The following TANGO2 variants were observed in gnomAD, a reference collection of about 807,000 sequenced individuals.
TANGO2 encodes transport and golgi organization 2 homolog.
Under a neutral mutation model 39.1 loss-of-function variants are expected in TANGO2, and 26 were observed. The ratio of observed to expected loss-of-function variants is 0.67; its 90% confidence interval spans 0.49 to 0.92. The LOEUF is 0.92. Ranked by LOEUF, TANGO2 falls within the 40% of genes least tolerant of loss-of-function variation. The pLI, the probability that TANGO2 is intolerant of heterozygous loss-of-function variation, is 0.00. For missense variants in TANGO2, 326 were observed against 360.1 expected, an observed-to-expected ratio of 0.91 and a Z score of 0.77; for synonymous variants, 131 against 144.5, an observed-to-expected ratio of 0.91 and a Z score of 0.67.
chr22:20,058,444 C>A (rs61095784), intron 6 of TANGO2: 9,374 of 152,194 alleles, frequency 0.062, 455 homozygotes, highest in African/African-American at 0.11. Context: ...AGATCGAGAC[C>A]ATCCTGGCTA....
At chr22:20,063,050 T>G in intron 7 of TANGO2, 7 of 362,962 alleles carry the variant, frequency 1.9e-5, no homozygotes, top group Non-Finnish European at 2.5e-5. Context: ...CTGGCTTGAG[T>G]GGACTTCTGT....
At chr22:20,062,196 A>G (rs1450700868) in intron 7 of TANGO2, among the ~76,000 whole-genome samples, 2 of 152,046 alleles carry the variant, frequency 1.3e-5, no homozygotes, top group African/African-American at 4.8e-5. Flanking sequence ...GCTCCCACCC[A>G]CTTCCTTGCC....
chr22:20,024,577 A>T (rs1009683496), intron 1 of TANGO2, among the ~76,000 whole-genome samples: 1 of 152,184 alleles, frequency 6.6e-6, no homozygotes, highest in Non-Finnish European at 1.5e-5. Flanking sequence ...CCTTGTGGCC[A>T]TTGAGGCCAT....
Position 20,064,764 on chromosome 22 carries a change from G to C in TANGO2, c.*102G>C. The C allele has an allele frequency of 6.9e-7, 1 of 1,457,944 alleles. No individual in the cohort carries two copies. Among genetic ancestry groups the C allele is most frequent in the Non-Finnish European group, 9.3e-7 (1 of 1,080,294 alleles). The allele number at this position is 1,457,944 out of a possible 1,614,324, so 90.3% of individuals were successfully genotyped here. On this transcript the variant is annotated 3_prime_UTR_variant, in exon 9 of 9. Transcript: ENST00000327374. The stretch of plus-strand genomic sequence containing the variant: ...TGCCATACTGCATTGCACTGCCCGT[G>C]GCTTGGCCAGCATCCCCCGGATCAG...
chr22:20,017,414 C>A (rs2531717), upstream of TANGO2, among the ~76,000 whole-genome samples: 4 of 151,936 alleles, frequency 2.6e-5, no homozygotes, highest in East Asian at 2.0e-4. Context: ...GTCCCCGCAG[C>A]GGGGAGACGA....
In TANGO2 at chr22:20,061,583, T is replaced by G. The variant is rs749476753; in HGVS notation, c.505T>G (p.Phe169Val). ...LLETPWRKLC[F>V]GKQLFLEAVE... ...GGAGACTCCCTGGAGGAAGCTGTGC[T>G]TTGGGAAGCAGCTCTTCCTGGAGGC... is the stretch of plus-strand genomic sequence containing the variant. The change falls in exon 7 of 9, where the codon TTT becomes GTT. Residue 169 changes from phenylalanine to valine, a missense_variant. By Grantham distance (50) the Phe-to-Val change is conservative (BLOSUM62 -1). Coordinates refer to ENST00000327374, the MANE Select transcript of TANGO2 (RefSeq NM_152906.7). 1.2e-6 allele frequency: 2 copies of G among 1,602,294 alleles called. No homozygotes were observed. The highest frequency in any genetic ancestry group is 2.3e-5 in the South Asian group (2 of 88,692).
At chr22:20,021,615 TAGTA>T (rs781425608) in intron 1 of TANGO2, among the ~76,000 whole-genome samples, 3 of 152,168 alleles carry the variant, frequency 2.0e-5, no homozygotes, top group Non-Finnish European at 4.4e-5. Context: ...TGTGAGTAGA[TAGTA>T]AGTGCTGGGT....
chr22:20,029,620 T>TG (rs981071615), intron 1 of TANGO2, among the ~76,000 whole-genome samples: 1 of 152,048 alleles, frequency 6.6e-6, no homozygotes, highest in African/African-American at 2.4e-5. Flanking sequence ...TCCAGGAGTG[T>TG]GGGGGGAACT....
chr22:20,059,960 A>G (rs1192275531), intron 6 of TANGO2, among the ~76,000 whole-genome samples: 2 of 143,266 alleles, frequency 1.4e-5, no homozygotes. Flanking sequence ...TAAGTTAACT[A>G]TTTTTTTTTT....
intron 1 of TANGO2, among the ~76,000 whole-genome samples, chr22:20,034,356 G>A (rs2042448250): frequency 6.6e-6 from 1 of 152,210 alleles, no homozygotes; most frequent in Non-Finnish European, 1.5e-5. Flanking sequence ...TCTTTCTGCT[G>A]GTTCTTGCTC....
intron 8 of TANGO2, chr22:20,063,694 C>T: frequency 2.4e-6 from 1 of 422,282 alleles, no homozygotes; most frequent in Non-Finnish European, 4.2e-6. Context: ...GGGCTGCCTG[C>T]ACATTGGTGG....
At chr22:20,051,334 C>T (rs1163838553) in intron 3 of TANGO2, among the ~76,000 whole-genome samples, 1 of 151,392 alleles carries the variant, frequency 6.6e-6, no homozygotes, top group Non-Finnish European at 1.5e-5. Context: ...GAATTCGAGA[C>T]CAGCCTGGCC....
At chr22:20,036,378 G>A (rs555518717) in intron 1 of TANGO2, among the ~76,000 whole-genome samples, 120 of 152,298 alleles carry the variant, frequency 7.9e-4, no homozygotes, top group African/African-American at 2.4e-3. Context: ...CTGGGTCTGA[G>A]TTCATTCTTT....
upstream of TANGO2, among the ~76,000 whole-genome samples, chr22:20,020,530 T>G (rs1257015683): frequency 3.3e-4 from 41 of 123,870 alleles, no homozygotes; most frequent in African/African-American, 5.2e-4. Flanking sequence ...GTGGGGGAGG[T>G]GGTGGGTGTG....
intron 6 of TANGO2, among the ~76,000 whole-genome samples, chr22:20,058,875 GGACCCGA>G (rs2047863210): frequency 6.6e-6 from 1 of 152,026 alleles, no homozygotes; most frequent in African/African-American, 2.4e-5. Context: ...ATTTATGAGG[GGACCCGA>G]GAACATATGC....
intron 4 of TANGO2, 42 bp from the exon 5 acceptor site, chr22:20,053,395 A>T (rs2046762005): frequency 7.1e-7 from 1 of 1,400,854 alleles, no homozygotes; most frequent in East Asian, 2.3e-5. Context: ...AGAAGAGCAC[A>T]TGCCTGCAGC....
At chr22:20,038,393 C>T (rs1366894497) in intron 2 of TANGO2, among the ~76,000 whole-genome samples, 1 of 152,198 alleles carries the variant, frequency 6.6e-6, no homozygotes, top group East Asian at 1.9e-4. Context: ...TTCAGGGCTG[C>T]CTCCTGCAGG....
rs774267660 is a variant in TANGO2, at chr22:20,036,938, C to T, written c.56+84C>T. The T allele has an allele frequency of 1.5e-5, 24 of 1,613,776 alleles. No individual in the cohort carries two copies. The Admixed American group carries it at 4.0e-4, about 27-fold the overall frequency. On this transcript the variant is annotated intron_variant, in intron 2 of 8. Coordinates refer to ENST00000327374, the MANE Select transcript of TANGO2 (RefSeq NM_152906.7). ...CTCATGCCACCCAAGCTGCTGTGTG[C>T]AGGAAGGTGTGTGGGCCAGGACGGG... is the stretch of plus-strand genomic sequence containing the variant.
At position 20,056,991 on chromosome 22, in the gene TANGO2, C is replaced by T. The variant is rs1297033267; in HGVS notation, c.451+978C>T. 15 of 455,124 alleles carry T rather than the reference C, an allele frequency of 3.3e-5. No homozygotes were observed. In the Admixed American group the frequency reaches 3.5e-4, roughly 11 times the overall value. The allele number at this position is 455,124 out of a possible 1,614,324, so 28.2% of individuals were successfully genotyped here. A position where few individuals can be genotyped will look rare whatever the true frequency, so the allele number is the denominator to read the frequency against. ...CCCACACCCCTCTGTGAGGGGGCTC[C>T]CTCACACCCCTGGCTCCTCTGAAGC... On this transcript the variant is annotated intron_variant, in intron 6 of 8. Coordinates refer to ENST00000327374, the MANE Select transcript of TANGO2 (RefSeq NM_152906.7).
Sources: allele counts gnomAD v4.1 joint callset (sites outside exome capture counted in the v4.1 genomes callset), GRCh38; gene constraint gnomAD v4.1.1; transcripts MANE v1.5; gene names NCBI Gene and HGNC (gene_info 2026-07-23, HGNC 2026-07-21).